ERAP1: variants seen among roughly 807,000 people sequenced by gnomAD.
ERAP1 encodes the protein endoplasmic reticulum aminopeptidase 1.
A neutral mutation model predicts 103.7 loss-of-function variants in ERAP1; 86 were observed. The observed-to-expected ratio is 0.83, with a 90% CI of 0.70 to 0.99. The LOEUF is 0.99. ERAP1 is among the 50% of genes least tolerant of loss of function. The pLI, the probability that ERAP1 is intolerant of heterozygous loss-of-function variation, is 0.00. For missense variants in ERAP1, 1,009 were observed against 1,128.4 expected (o/e 0.89, Z 1.52); for synonymous variants, 398 against 402.4 (o/e 0.99, Z 0.13).
At chr5:96,850,434 G>A in the ERAP1 span, among the ~76,000 whole-genome samples, 3 of 152,094 alleles carry the variant, frequency 2.0e-5, no homozygotes, top group African/African-American at 2.4e-5. Context: ...CAAAAAACCT[G>A]CATAGACATT....
At position 96,795,100 on chromosome 5, in the gene ERAP1, C is replaced by T. The variant is rs756272619; in HGVS notation, c.861G>A (p.Val287=). The T allele has an allele frequency of 6.2e-7, 1 of 1,613,938 alleles. No individual in the cohort carries two copies. The highest frequency in any genetic ancestry group is 1.1e-5 in the South Asian group (1 of 91,074). ...NQADYALDAA[V]TLLEFYEDYF... is the part of the protein sequence containing the mutation. ...AATCCTCATAAAATTCTAGAAGAGT[C>T]ACCGCAGCATCCAGTGCATAATCTG... The change falls in exon 5 of 19, where the codon GTG becomes GTA. Residue 287 remains valine (V), a synonymous_variant. Transcript: ENST00000443439.
chr5:96,925,777 T>C, the ERAP1 span, among the ~76,000 whole-genome samples: 12 of 152,216 alleles, frequency 7.9e-5, no homozygotes, highest in Non-Finnish European at 1.5e-4. Flanking sequence ...TAGAATTTTC[T>C]ATAGCATTTC....
At chr5:96,887,279 T>C in the ERAP1 span, among the ~76,000 whole-genome samples, 6 of 150,604 alleles carry the variant, frequency 4.0e-5, no homozygotes, top group Non-Finnish European at 8.8e-5. Context: ...GTATCTTATT[T>C]TTGGGCATGT....
the ERAP1 span, among the ~76,000 whole-genome samples, chr5:96,905,980 T>A: frequency 6.7e-6 from 1 of 149,524 alleles, no homozygotes; most frequent in African/African-American, 2.5e-5. Context: ...GGTCTCCCTA[T>A]ATTGTACAGG....
chr5:96,846,198 G>A, the ERAP1 span, among the ~76,000 whole-genome samples: 1 of 152,118 alleles, frequency 6.6e-6, no homozygotes, highest in Non-Finnish European at 1.5e-5. Flanking sequence ...ATCAACTGGG[G>A]AACTTGGTAT....
chr5:96,841,585 T>A, the ERAP1 span, among the ~76,000 whole-genome samples: 1 of 152,088 alleles, frequency 6.6e-6, no homozygotes, highest in South Asian at 2.1e-4. Flanking sequence ...AAATCTTGAG[T>A]TCCTGCAAGG....
the ERAP1 span, among the ~76,000 whole-genome samples, chr5:96,856,942 C>A: frequency 6.6e-6 from 1 of 152,314 alleles, no homozygotes; most frequent in African/African-American, 2.4e-5. Flanking sequence ...ATCCCTGGTG[C>A]CTGTCTGGCT....
chr5:96,775,198 T>TTATCA lies in ERAP1; in HGVS notation c.*1193_*1197dup. 6.1e-6 allele frequency: 6 copies of TTATCA among 985,578 alleles called. No individual in the cohort carries two copies. The highest frequency in any genetic ancestry group is 7.2e-6 in the Non-Finnish European group (6 of 829,938). 61.1% of individuals were successfully genotyped at this position (985,578 alleles called of 1,614,324 possible). The stretch of plus-strand genomic sequence containing the variant: ...TGTTAGTAAACTGTGCTTTCTATTA[T>TTATCA]TATCATCTATACATAAAACCTGAGC... On this transcript the variant is annotated 3_prime_UTR_variant, in exon 19 of 19. Coordinates refer to ENST00000443439, the MANE Select transcript of ERAP1 (RefSeq NM_001040458.3).
At chr5:96,834,126 T>A in the ERAP1 span, among the ~76,000 whole-genome samples, 1 of 152,334 alleles carries the variant, frequency 6.6e-6, no homozygotes. Context: ...GATATTTAGT[T>A]CCTCAGTAAT....
chr5:96,844,196 T>C, the ERAP1 span, among the ~76,000 whole-genome samples: 1 of 152,216 alleles, frequency 6.6e-6, no homozygotes, highest in Non-Finnish European at 1.5e-5. Flanking sequence ...TGTAATATAA[T>C]TCAGTGATAT....
Position 96,793,477 on chromosome 5 carries a change from C to T in ERAP1, c.1111G>A (p.Asp371Asn). 6.2e-7 allele frequency: 1 copy of T among 1,613,900 alleles called. No homozygotes were observed. The highest frequency in any genetic ancestry group is 8.5e-7 in the Non-Finnish European group (1 of 1,179,894). ...GNLVTMEWWN[D>N]LWLNEGFAKF... ...GCAAATCCTTCATTTAGCCAAAGATCATTCCACCATTCCATAGTGACCAGG... is the reference window on the plus strand; with the variant it reads ...GCAAATCCTTCATTTAGCCAAAGATTATTCCACCATTCCATAGTGACCAGG... The change falls in exon 7 of 19, where the codon GAT becomes AAT. Residue 371 changes from aspartate to asparagine, a missense_variant. Coordinates refer to ENST00000443439, the MANE Select transcript of ERAP1 (RefSeq NM_001040458.3).
the ERAP1 span, among the ~76,000 whole-genome samples, chr5:96,850,342 G>A: frequency 2.0e-5 from 3 of 152,046 alleles, no homozygotes; most frequent in Admixed American, 6.6e-5. Context: ...TTATACATCA[G>A]ATAAAGGGCT....
At chr5:96,861,304 A>G in the ERAP1 span, among the ~76,000 whole-genome samples, 61 of 152,308 alleles carry the variant, frequency 4.0e-4, no homozygotes, top group African/African-American at 1.4e-3. Flanking sequence ...ATGAACACAC[A>G]GATACTTCAC....
chr5:96,852,489 G>GT, the ERAP1 span, among the ~76,000 whole-genome samples: 20 of 152,226 alleles, frequency 1.3e-4, no homozygotes, highest in African/African-American at 4.8e-4. Context: ...AGGAAAGTAC[G>GT]TTCTTAGGTT....
At chr5:96,807,101 G>C (rs1457237771) in intron 1 of ERAP1, among the ~76,000 whole-genome samples, 3 of 152,164 alleles carry the variant, frequency 2.0e-5, no homozygotes, top group Non-Finnish European at 4.4e-5. Flanking sequence ...CCAAAAGCGT[G>C]AGGAAGTGTG....
chr5:96,896,648 C>T, the ERAP1 span: 203 of 1,458,182 alleles, frequency 1.4e-4, no homozygotes, highest in Middle Eastern at 2.0e-3. Flanking sequence ...ACACATGTTC[C>T]GTAAAATTTA....
chr5:96,830,039 A>T, the ERAP1 span, among the ~76,000 whole-genome samples: 1 of 152,196 alleles, frequency 6.6e-6, no homozygotes, highest in Non-Finnish European at 1.5e-5. Flanking sequence ...TTGAAGAATG[A>T]TGTTCAGGAT....
the ERAP1 span, chr5:96,889,181 C>T: frequency 6.2e-7 from 1 of 1,613,928 alleles, no homozygotes; most frequent in South Asian, 1.1e-5. Flanking sequence ...TCCACATTTC[C>T]CAGGTGTCCA....
At chr5:96,913,574 A>G in the ERAP1 span, 3 of 1,194,570 alleles carry the variant, frequency 2.5e-6, no homozygotes, top group Non-Finnish European at 3.6e-6. Context: ...GTATCCAAAT[A>G]GTTCAGTGGA....
Sources: gnomAD v4.1 joint callset for allele counts (sites outside exome capture counted in the v4.1 genomes callset) on GRCh38, gnomAD v4.1.1 for gene constraint, MANE v1.5 for transcripts, NCBI Gene and HGNC (gene_info 2026-07-23, HGNC 2026-07-21) for gene names.